The following CDH2 variants were observed in gnomAD, a reference collection of about 807,000 sequenced individuals.
CDH2 encodes cadherin 2.
Under a neutral mutation model 92.0 loss-of-function variants are expected in CDH2, and 17 were observed. That is an observed-to-expected ratio of 0.18 (90% CI 0.13 to 0.28). The LOEUF (loss-of-function observed/expected upper bound fraction) is 0.28. Among genes scored for constraint, CDH2 ranks in the 10% least tolerant of loss-of-function variants. CDH2 has a pLI of 1.00. For synonymous variants in CDH2, 419 were observed against 415.9 expected (o/e 1.01, Z -0.09); for missense variants, 862 against 1,133.1 (o/e 0.76, Z 3.44).
chr18:27,990,984 G>A (rs965082895), intron 9 of CDH2, among the ~76,000 whole-genome samples: 1 of 152,036 alleles, frequency 6.6e-6, no homozygotes, highest in Non-Finnish European at 1.5e-5. Context: ...AAACTCTGCT[G>A]TCTTCTGGAA....
intron 2 of CDH2, among the ~76,000 whole-genome samples, chr18:28,086,175 A>G (rs576239843): frequency 1.3e-5 from 2 of 152,300 alleles, no homozygotes; most frequent in African/African-American, 4.8e-5. Flanking sequence ...AAGTTGATAC[A>G]ATTAAGAAAA....
chr18:28,067,381 C>T (rs766365110), intron 2 of CDH2, among the ~76,000 whole-genome samples: 1 of 152,230 alleles, frequency 6.6e-6, no homozygotes, highest in Non-Finnish European at 1.5e-5. Context: ...TCACCCCTCT[C>T]CCCAATCCCA....
intron 7 of CDH2, among the ~76,000 whole-genome samples, chr18:27,998,018 G>A (rs1483088131): frequency 2.0e-5 from 3 of 152,050 alleles, no homozygotes; most frequent in African/African-American, 4.8e-5. Context: ...GTGTTAGCCA[G>A]GATGGTCTCC....
intron 1 of CDH2, among the ~76,000 whole-genome samples, chr18:28,148,050 T>A (rs2016065374): frequency 6.6e-6 from 1 of 152,204 alleles, no homozygotes; most frequent in Non-Finnish European, 1.5e-5. Flanking sequence ...AACATTTCCA[T>A]TAAAATGCTC....
chr18:28,060,007 A>G (rs921696883), intron 2 of CDH2, among the ~76,000 whole-genome samples: 3 of 152,088 alleles, frequency 2.0e-5, no homozygotes, highest in Non-Finnish European at 4.4e-5. Context: ...ATTACTTAGA[A>G]GCTGGCACAT....
chr18:28,108,899 T>C (rs2015365633), intron 2 of CDH2, among the ~76,000 whole-genome samples: 1 of 152,112 alleles, frequency 6.6e-6, no homozygotes, highest in East Asian at 1.9e-4. Flanking sequence ...GAATTCCATT[T>C]ACCTGGCAAA....
At chr18:28,054,174 A>G (rs1015824707) in intron 2 of CDH2, among the ~76,000 whole-genome samples, 2 of 152,152 alleles carry the variant, frequency 1.3e-5, no homozygotes, top group African/African-American at 4.8e-5. Flanking sequence ...GAATACAAGG[A>G]ATCCTGGGAT....
At chr18:28,026,487 T>C (rs1173388027) in intron 2 of CDH2, among the ~76,000 whole-genome samples, 1 of 152,100 alleles carries the variant, frequency 6.6e-6, no homozygotes, top group African/African-American at 2.4e-5. Context: ...CACACCAGAA[T>C]GACAGAGGTA....
intron 8 of CDH2, 89 bp from the exon 9 acceptor site, chr18:27,992,929 C>A (rs1468593571): frequency 1.2e-5 from 10 of 844,916 alleles, no homozygotes; most frequent in South Asian, 4.3e-5. Flanking sequence ...GATTTTACTG[C>A]CCCATTAGAT....
intron 6 of CDH2, among the ~76,000 whole-genome samples, chr18:27,944,909 CCTGT>C (rs933601533): frequency 9.9e-5 from 15 of 151,826 alleles, no homozygotes; most frequent in Non-Finnish European, 1.9e-4. Context: ...ACAGCAAGAC[CCTGT>C]CTAAAAAAAC....
intron 15 of CDH2, among the ~76,000 whole-genome samples, chr18:27,957,536 G>A (rs970747243): frequency 8.5e-5 from 13 of 152,094 alleles, no homozygotes; most frequent in African/African-American, 3.1e-4. Context: ...ACAGGTGTGA[G>A]CTGCTGTGCC....
chr18:28,167,094 T>C (rs17495341), intron 1 of CDH2, among the ~76,000 whole-genome samples: 8,773 of 152,036 alleles, frequency 0.058, 869 homozygotes, highest in African/African-American at 0.2. Context: ...TCAGAGAAGG[T>C]ATTAAGAAGC....
rs928192809 is a variant in CDH2, at chr18:28,047,149, T to C, written c.173-33240A>G. Among the ~76,000 whole-genome samples the C allele has an allele frequency of 3.3e-5, 5 of 152,106 alleles. No homozygotes were observed. The East Asian group carries it at 7.7e-4, about 23-fold the overall frequency. On this transcript the variant is annotated intron_variant, in intron 2 of 15. Coordinates refer to ENST00000269141, the MANE Select transcript of CDH2 (RefSeq NM_001792.5). ...CACAAACAAATTACCGTCACTTCCA[T>C]AGGAAGCAGATTTTTAGCTGTAGAG...
intron 14 of CDH2, among the ~76,000 whole-genome samples, chr18:27,963,978 C>T (rs1293926264): frequency 6.6e-6 from 1 of 152,100 alleles, no homozygotes; most frequent in Non-Finnish European, 1.5e-5. Context: ...CTTCTAAACT[C>T]TAGAGCAGAG....
intron 2 of CDH2, among the ~76,000 whole-genome samples, chr18:28,077,316 A>C (rs1340048482): frequency 2.0e-5 from 3 of 152,196 alleles, no homozygotes; most frequent in Admixed American, 6.5e-5. Context: ...AGTACATCAA[A>C]GATTCACAGA....
chr18:28,018,341 AATTC>A (rs1255795909), intron 2 of CDH2, among the ~76,000 whole-genome samples: 1 of 152,152 alleles, frequency 6.6e-6, no homozygotes, highest in African/African-American at 2.4e-5. Flanking sequence ...AATTCAATGC[AATTC>A]CCATCAAAAT....
chr18:28,175,271 T>C (rs1344854184), intron 1 of CDH2, among the ~76,000 whole-genome samples: 1 of 152,180 alleles, frequency 6.6e-6, no homozygotes, highest in Non-Finnish European at 1.5e-5. Context: ...CAAAAATGTC[T>C]AGTCTAATAG....
rs188999800 is a variant in CDH2 at position 28,006,655 on chromosome 18, T to C, written c.703-662A>G. On this transcript the variant is annotated intron_variant, in intron 5 of 15. Coordinates refer to ENST00000269141, the MANE Select transcript of CDH2 (RefSeq NM_001792.5). ...GCAAGAGAATCACTTGAACCCGAGG[T>C]TGCAGTGAGCCGAGATTGTGCCAGT... is the stretch of plus-strand genomic sequence containing the variant. Among the ~76,000 whole-genome samples the C allele has an allele frequency of 2.0e-5, 3 of 148,524 alleles. No homozygotes were observed. The Admixed American group carries it at 2.0e-4, about 10-fold the overall frequency.
At chr18:27,959,798 T>TGAA (rs1219509728) in intron 15 of CDH2, among the ~76,000 whole-genome samples, 2 of 152,180 alleles carry the variant, frequency 1.3e-5, no homozygotes, top group Admixed American at 6.5e-5. Flanking sequence ...CATTTCTAGC[T>TGAA]GAAGATATTT....
Sources: gnomAD v4.1 joint callset for allele counts (sites outside exome capture counted in the v4.1 genomes callset) on GRCh38, gnomAD v4.1.1 for gene constraint, MANE v1.5 for transcripts, NCBI Gene and HGNC (gene_info 2026-07-23, HGNC 2026-07-21) for gene names.